MROH9: variants seen among roughly 807,000 people sequenced by gnomAD.
The protein encoded by MROH9 is maestro heat-like repeat-containing protein family member 9.
A neutral mutation model predicts 98.2 loss-of-function variants in MROH9; 92 were observed. The observed-to-expected ratio is 0.94, with a 90% CI of 0.79 to 1.11. The LOEUF (loss-of-function observed/expected upper bound fraction) is 1.11, where lower values mean the gene tolerates loss of function less well. Ranked by LOEUF, MROH9 falls within the 50% of genes most tolerant of loss-of-function variation. The pLI is 0.00. For synonymous variants in MROH9, 397 were observed against 368.9 expected, an observed-to-expected ratio of 1.08 and a Z score of -0.87; for missense variants, 1,057 against 1,014.8, an observed-to-expected ratio of 1.04 and a Z score of -0.57.
intron 3 of MROH9, among the ~76,000 whole-genome samples, chr1:170,949,694 T>C (rs1247606959): frequency 3.3e-5 from 5 of 152,020 alleles, no homozygotes. Context: ...TAGCTGGACC[T>C]TGAAAGTGAC....
rs151110046 is a variant in MROH9 at position 171,064,690 on chromosome 1, A to G, written c.*350A>G. 9.6e-4 allele frequency: 188 copies of G among 195,062 alleles called. 2 individuals are homozygous for G. The highest frequency in any genetic ancestry group is 5.4e-3 in the South Asian group (46 of 8,510). 12.1% of individuals were successfully genotyped at this position (195,062 alleles called of 1,614,324 possible). On this transcript the variant is annotated 3_prime_UTR_variant, in exon 22 of 22. Transcript: ENST00000367759. ...ACTGAGCACCTTCTAAGTGCCAGATACTGTGTTAGGCAGTGGGGACATTTG... is the reference window on the plus strand; with the variant it reads ...ACTGAGCACCTTCTAAGTGCCAGATGCTGTGTTAGGCAGTGGGGACATTTG...
intron 15 of MROH9, 125 bp downstream of exon 15, chr1:170,998,399 G>T: frequency 6.2e-7 from 1 of 1,608,266 alleles, no homozygotes; most frequent in Non-Finnish European, 8.5e-7. Context: ...TTAAGATCAT[G>T]AAAGATATCT....
chr1:170,951,100 A>G (rs1427819121), intron 3 of MROH9, among the ~76,000 whole-genome samples: 2 of 152,084 alleles, frequency 1.3e-5, no homozygotes, highest in South Asian at 2.1e-4. Context: ...AGAGATGACC[A>G]CACTAAATTT....
Position 170,983,422 on chromosome 1 carries a change from A to T in MROH9, c.617A>T (p.Asp206Val), listed in dbSNP as rs767232814. 14 of 1,594,786 alleles carry T rather than the reference A, an allele frequency of 8.8e-6. No individual in the cohort carries two copies. In the East Asian group the frequency reaches 2.0e-4, roughly 23 times the overall value. ...GAAACTCTTTTTCTTAACAAAGCAG[A>T]TATTGGAACAAATAAGCCTACAAAC... ...HLLYIARCQN[D>V]IGTNKPTNGK... The change falls in exon 9 of 22, where the codon GAT becomes GTT. Residue 206 changes from aspartate to valine, a missense_variant and splice_region_variant. Physicochemically the swap from Asp to Val is radical, Grantham distance 152. Coordinates refer to ENST00000367759, the MANE Select transcript of MROH9 (RefSeq NM_001163629.2).
chr1:171,030,575 T>C (rs920413640), intron 20 of MROH9, among the ~76,000 whole-genome samples: 24 of 152,236 alleles, frequency 1.6e-4, no homozygotes, highest in African/African-American at 5.1e-4. Context: ...GGTTGTTCAA[T>C]TTCCATGAAA....
chr1:170,965,072 GTGAAGT>G, intron 6 of MROH9, 73 bp from the exon 7 acceptor site: 1 of 922,224 alleles, frequency 1.1e-6, no homozygotes, highest in Non-Finnish European at 1.7e-6. Flanking sequence ...GCCTGATTTG[GTGAAGT>G]TGAAGAATAG....
rs746302834 is a variant in MROH9 at position 170,959,462 on chromosome 1, C to G, written c.153C>G (p.Ser51Arg). Residue 51 changes from serine to arginine, a missense_variant and splice_region_variant, in exon 5 of 22, where the codon AGC (serine) becomes AGG (arginine). By Grantham distance (110) the Ser-to-Arg change is moderately radical. Transcript: ENST00000367759. ...AATAATTGCTCCTTTTTCTTGTCAG[C>G]TTTGTGGATCCCTTACTGCAGTTTG... ...NESMILAVNS[S>R]FVDPLLQFES... 6.3e-7 allele frequency: 1 copy of G among 1,595,654 alleles called. No homozygotes were observed. The highest frequency in any genetic ancestry group is 8.5e-7 in the Non-Finnish European group (1 of 1,172,934).
At chr1:171,059,983 A>G (rs989442327) in intron 20 of MROH9, among the ~76,000 whole-genome samples, 3 of 152,058 alleles carry the variant, frequency 2.0e-5, no homozygotes, top group Non-Finnish European at 4.4e-5. Flanking sequence ...TATTTTAAAA[A>G]ATGATGGAAA....
intron 17 of MROH9, 74 bp downstream of exon 17, chr1:171,016,410 G>A: frequency 8.4e-7 from 1 of 1,190,466 alleles, no homozygotes; most frequent in Non-Finnish European, 1.1e-6. Context: ...AGGCAGTGAT[G>A]TTAGGTCACA....
chr1:170,962,104 C>T, intron 6 of MROH9, 128 bp downstream of exon 6: 1 of 564,612 alleles, frequency 1.8e-6, no homozygotes, highest in Middle Eastern at 3.9e-4. Flanking sequence ...TTTTCTTTAC[C>T]ACAGAAGAGT....
chr1:170,959,743 T>G (rs1186319709), intron 5 of MROH9, 146 bp downstream of exon 5: 1 of 613,430 alleles, frequency 1.6e-6, no homozygotes, highest in Non-Finnish European at 2.6e-6. Context: ...TCTATACCAC[T>G]GGACTCCTTG....
At chr1:171,008,352 G>A (rs1407826062) in intron 15 of MROH9, among the ~76,000 whole-genome samples, 1 of 152,022 alleles carries the variant, frequency 6.6e-6, no homozygotes, top group Non-Finnish European at 1.5e-5. Flanking sequence ...TGACTTATTA[G>A]AATTTTATTA....
intron 6 of MROH9, among the ~76,000 whole-genome samples, chr1:170,963,318 G>A (rs1470777127): frequency 6.6e-6 from 1 of 152,058 alleles, no homozygotes; most frequent in Non-Finnish European, 1.5e-5. Flanking sequence ...TTCTTAAAAA[G>A]TCAAAAAACA....
At position 170,965,144 on chromosome 1, in the gene MROH9, C is replaced by A. The variant is rs1199222763; in HGVS notation, c.376-7C>A. ...TGGTTCTAGGATGACTTTTATGTTT[C>A]CAACAGGAAATGCTCGTGTGGATGA... On this transcript the variant is annotated splice_polypyrimidine_tract_variant and splice_region_variant and intron_variant, in intron 6 of 21. Transcript: ENST00000367759. 1 of 1,597,194 alleles carries A rather than the reference C, an allele frequency of 6.3e-7. No individual in the cohort carries two copies. The highest frequency in any genetic ancestry group is 8.6e-7 in the Non-Finnish European group (1 of 1,167,064).
rs373058633 is a variant in MROH9, at chr1:170,957,532, G to A, written c.73-929G>A. Among the ~76,000 whole-genome samples, 44 of 152,134 alleles carry A rather than the reference G, an allele frequency of 2.9e-4. No homozygotes were observed. In the East Asian group the frequency reaches 7.7e-3, roughly 27 times the overall value. On this transcript the variant is annotated intron_variant, in intron 3 of 21. Transcript: ENST00000367759. Reference sequence around the variant, plus strand: ...TTTATTTCATTCAATTTGTCTATGAGTCTGTTTTTATAGCAGTCCCTACAA... The same window carrying A: ...TTTATTTCATTCAATTTGTCTATGAATCTGTTTTTATAGCAGTCCCTACAA...
chr1:170,942,561 A>G (rs748099274), intron 1 of MROH9, among the ~76,000 whole-genome samples: 61 of 152,308 alleles, frequency 4.0e-4, no homozygotes, highest in Admixed American at 1.8e-3. Flanking sequence ...TACATTTACT[A>G]AAATATGGGA....
At chr1:171,058,715 G>A (rs773585194) in intron 20 of MROH9, among the ~76,000 whole-genome samples, 2 of 152,114 alleles carry the variant, frequency 1.3e-5, no homozygotes, top group South Asian at 2.1e-4. Context: ...TCTGACCTTC[G>A]ACAAACCTGA....
intron 3 of MROH9, among the ~76,000 whole-genome samples, chr1:170,957,410 T>G (rs1021141764): frequency 6.6e-6 from 1 of 152,218 alleles, no homozygotes; most frequent in East Asian, 1.9e-4. Flanking sequence ...TTTCCCAACA[T>G]CATTTATTGA....
intron 10 of MROH9, among the ~76,000 whole-genome samples, chr1:170,989,041 C>A (rs1462766609): frequency 6.6e-6 from 1 of 152,034 alleles, no homozygotes; most frequent in African/African-American, 2.4e-5. Context: ...ATAATTTTTT[C>A]TTTTGTTTGC....
Sources: gnomAD v4.1 joint callset for allele counts (sites outside exome capture counted in the v4.1 genomes callset) on GRCh38, gnomAD v4.1.1 for gene constraint, MANE v1.5 for transcripts, NCBI Gene and HGNC (gene_info 2026-07-23, HGNC 2026-07-21) for gene names.